Variants in PDZRN4 observed in about 807,000 individuals in gnomAD.
PDZRN4 encodes PDZ domain containing ring finger 4, also known as PDZ domain-containing RING finger protein 4.
A neutral mutation model predicts 99.0 loss-of-function variants in PDZRN4; 70 were observed. The ratio of observed to expected loss-of-function variants is 0.71; its 90% CI spans 0.58 to 0.86. The LOEUF is 0.86. PDZRN4 is among the 40% of genes least tolerant of loss of function. The pLI is 0.00. For synonymous variants in PDZRN4, 551 were observed against 501.6 expected (o/e 1.10, Z -1.32); for missense variants, 1,474 against 1,331.2 (o/e 1.11, Z -1.67).
chr12:41,316,456 ATGTG>A (rs71081722), intron 3 of PDZRN4, among the ~76,000 whole-genome samples: 7,753 of 144,448 alleles, frequency 0.054, 259 homozygotes, highest in African/African-American at 0.094. Context: ...AAAAAGGCAA[ATGTG>A]TGTGTGTGTG....
At chr12:41,335,238 A>G (rs1951765220) in intron 3 of PDZRN4, among the ~76,000 whole-genome samples, 1 of 151,106 alleles carries the variant, frequency 6.6e-6, no homozygotes, top group Non-Finnish European at 1.5e-5. Context: ...ATTTGCTATC[A>G]TTTTCTTTTT....
chr12:41,203,446 A>G (rs1950829814), intron 3 of PDZRN4, among the ~76,000 whole-genome samples: 1 of 152,020 alleles, frequency 6.6e-6, no homozygotes, highest in African/African-American at 2.4e-5. Flanking sequence ...GCCATGAGTC[A>G]AATGACAAGG....
rs1358804438 is a variant in PDZRN4 at position 41,574,192 on chromosome 12, T to C, written c.*302T>C. On this transcript the variant is annotated 3_prime_UTR_variant, in exon 10 of 10. Transcript: ENST00000402685. Reference sequence around the variant, plus strand: ...CAAAAATACTGAGGAGCCAATTAATTTCCTACTTCAATGTATCTAATGTAA... The same window carrying C: ...CAAAAATACTGAGGAGCCAATTAATCTCCTACTTCAATGTATCTAATGTAA... 9.6e-6 allele frequency: 2 copies of C among 207,384 alleles called. No homozygotes were observed. The highest frequency in any genetic ancestry group is 1.9e-5 in the Non-Finnish European group (2 of 104,970). 12.8% of individuals were successfully genotyped at this position (207,384 alleles called of 1,614,324 possible). A position where few individuals can be genotyped will look rare whatever the true frequency, so the allele number is the denominator to read the frequency against.
chr12:41,407,687 C>A (rs931340568), intron 3 of PDZRN4, among the ~76,000 whole-genome samples: 2 of 148,220 alleles, frequency 1.3e-5, no homozygotes, highest in Admixed American at 6.7e-5. Context: ...CTAATTACAA[C>A]TGCAGTGTTT....
At chr12:41,407,641 T>C (rs991255217) in intron 3 of PDZRN4, among the ~76,000 whole-genome samples, 1 of 151,864 alleles carries the variant, frequency 6.6e-6, no homozygotes, top group Non-Finnish European at 1.5e-5. Flanking sequence ...TTGTTTGGAC[T>C]GGCACAAAGA....
At chr12:41,475,757 T>C (rs1311183143) in intron 3 of PDZRN4, among the ~76,000 whole-genome samples, 10 of 152,212 alleles carry the variant, frequency 6.6e-5, no homozygotes, top group Non-Finnish European at 1.5e-5. Flanking sequence ...CATGTAGTAT[T>C]TGAGATGTGT....
intron 3 of PDZRN4, among the ~76,000 whole-genome samples, chr12:41,367,120 T>C (rs1952006616): frequency 6.6e-6 from 1 of 152,120 alleles, no homozygotes; most frequent in Non-Finnish European, 1.5e-5. Context: ...AACACCTTTG[T>C]GCCTTACATT....
chr12:41,394,990 A>T (rs1592042022), intron 3 of PDZRN4, among the ~76,000 whole-genome samples: 1 of 152,180 alleles, frequency 6.6e-6, no homozygotes, highest in East Asian at 1.9e-4. Flanking sequence ...CTCTTGAAGG[A>T]AAAAGTATGA....
intron 3 of PDZRN4, among the ~76,000 whole-genome samples, chr12:41,416,875 A>G (rs1952449805): frequency 6.6e-6 from 1 of 152,196 alleles, no homozygotes; most frequent in South Asian, 2.1e-4. Flanking sequence ...GAGTCCAAAT[A>G]TGTGTAAACT....
chr12:41,546,576 G>T (rs1190105835), intron 5 of PDZRN4, among the ~76,000 whole-genome samples: 1 of 152,082 alleles, frequency 6.6e-6, no homozygotes. Context: ...GAATGACTTT[G>T]TTCTTTGCTT....
At chr12:41,424,221 A>T (rs1433218619) in intron 3 of PDZRN4, among the ~76,000 whole-genome samples, 1 of 152,164 alleles carries the variant, frequency 6.6e-6, no homozygotes. Flanking sequence ...TAAAATGCAA[A>T]CTTCCTCTGA....
chr12:41,462,603 G>A (rs1952882666), intron 3 of PDZRN4, among the ~76,000 whole-genome samples: 1 of 152,044 alleles, frequency 6.6e-6, no homozygotes, highest in African/African-American at 2.4e-5. Context: ...TCTCCTGCCT[G>A]GATTCTGAAA....
intron 5 of PDZRN4, among the ~76,000 whole-genome samples, chr12:41,543,028 T>A (rs559963970): frequency 2.0e-5 from 3 of 152,242 alleles, no homozygotes. Flanking sequence ...ATGAGACCTG[T>A]TAGAAATCAA....
At chr12:41,525,155 C>T (rs1938548597) in intron 5 of PDZRN4, among the ~76,000 whole-genome samples, 1 of 152,000 alleles carries the variant, frequency 6.6e-6, no homozygotes, top group Non-Finnish European at 1.5e-5. Context: ...GCTGAGTGGG[C>T]CGCTATTGCA....
At chr12:41,362,430 T>C (rs371070032) in intron 3 of PDZRN4, among the ~76,000 whole-genome samples, 2 of 105,864 alleles carry the variant, frequency 1.9e-5, no homozygotes, top group African/African-American at 6.1e-5. Flanking sequence ...GAACCTTATA[T>C]CAAATGGAAT....
At chr12:41,416,805 G>A (rs1418680396) in intron 3 of PDZRN4, among the ~76,000 whole-genome samples, 1 of 152,160 alleles carries the variant, frequency 6.6e-6, no homozygotes, top group Non-Finnish European at 1.5e-5. Flanking sequence ...GTTCAAGTTG[G>A]TTCTGAAGTA....
intron 3 of PDZRN4, among the ~76,000 whole-genome samples, chr12:41,336,927 ATAGTGATGT>A (rs1951779582): frequency 6.6e-6 from 1 of 152,060 alleles, no homozygotes; most frequent in Non-Finnish European, 1.5e-5. Flanking sequence ...AGGTTCTACA[ATAGTGATGT>A]TATCCCAGGA....
chr12:41,573,763 T>G lies in PDZRN4; in HGVS notation c.2984T>G (p.Met995Arg), dbSNP rs1358391208. ...INIIELSHKK[M>R]MKKRNKKILD... ...ATCATTGAACTGAGTCACAAAAAGA[T>G]GATGAAAAAGAGAAACAAGAAAATT... Residue 995 changes from methionine to arginine, a missense_variant, in exon 10 of 10, where the codon ATG (methionine) becomes AGG (arginine). Transcript: ENST00000402685. 6.2e-7 allele frequency: 1 copy of G among 1,613,668 alleles called. No individual in the cohort carries two copies. Among genetic ancestry groups the G allele is most frequent in the Non-Finnish European group, 8.5e-7 (1 of 1,179,896 alleles).
intron 3 of PDZRN4, among the ~76,000 whole-genome samples, chr12:41,455,619 T>C (rs1952811430): frequency 6.6e-6 from 1 of 152,174 alleles, no homozygotes; most frequent in African/African-American, 2.4e-5. Context: ...TCTTTCAAAC[T>C]CCTCCCCGAT....
Sources: gnomAD v4.1 joint callset for allele counts (sites outside exome capture counted in the v4.1 genomes callset) on GRCh38, gnomAD v4.1.1 for gene constraint, MANE v1.5 for transcripts, NCBI Gene and HGNC (gene_info 2026-07-23, HGNC 2026-07-21) for gene names.